The following FSTL5 variants were observed in gnomAD, a reference collection of about 807,000 sequenced individuals.
FSTL5 encodes the protein follistatin-related protein 5.
FSTL5 carries 62 observed loss-of-function variants against 89.1 expected under a neutral mutation model. That is an observed-to-expected ratio of 0.70 (90% CI 0.57 to 0.86). The LOEUF (loss-of-function observed/expected upper bound fraction) is 0.86, where lower values mean the gene tolerates loss of function less well. Among genes scored for constraint, FSTL5 ranks in the 40% least tolerant of loss-of-function variants. The pLI, the probability that FSTL5 is intolerant of heterozygous loss-of-function variation, is 0.00. For synonymous variants in FSTL5, 383 were observed against 346.2 expected (o/e 1.11, Z -1.18); for missense variants, 1,057 against 1,001.6 (o/e 1.06, Z -0.75).
intron 7 of FSTL5, among the ~76,000 whole-genome samples, chr4:161,630,612 C>A (rs1018243569): frequency 1.4e-4 from 22 of 152,156 alleles, no homozygotes; most frequent in African/African-American, 5.3e-4. Flanking sequence ...GGCTATATCA[C>A]TAACTTTAAA....
chr4:161,764,736 AT>A (rs1740931780), intron 5 of FSTL5, among the ~76,000 whole-genome samples: 1 of 152,148 alleles, frequency 6.6e-6, no homozygotes, highest in Non-Finnish European at 1.5e-5. Context: ...AAAGTATTTT[AT>A]TTTTAAGGTA....
chr4:161,887,890 C>T (rs74773559), intron 4 of FSTL5, among the ~76,000 whole-genome samples: 4 of 152,134 alleles, frequency 2.6e-5, no homozygotes, highest in African/African-American at 4.8e-5. Flanking sequence ...CCTTGCCAAG[C>T]AAATCAGGAT....
chr4:161,858,786 C>T (rs898439612), intron 4 of FSTL5, among the ~76,000 whole-genome samples: 2 of 152,172 alleles, frequency 1.3e-5, no homozygotes, highest in Non-Finnish European at 2.9e-5. Flanking sequence ...CCTTGGCATT[C>T]CATGGAGCCT....
intron 7 of FSTL5, among the ~76,000 whole-genome samples, chr4:161,611,823 A>G (rs1425188759): frequency 6.6e-6 from 1 of 152,244 alleles, no homozygotes; most frequent in Non-Finnish European, 1.5e-5. Context: ...GGGAGGAGTC[A>G]GAAAGCAAAG....
intron 7 of FSTL5, among the ~76,000 whole-genome samples, chr4:161,617,824 G>C (rs997381438): frequency 5.9e-5 from 9 of 152,174 alleles, no homozygotes; most frequent in Non-Finnish European, 5.9e-5. Flanking sequence ...ATAAAGACAT[G>C]TTTAGATAAA....
intron 3 of FSTL5, among the ~76,000 whole-genome samples, chr4:161,998,329 C>A (rs1245872018): frequency 1.3e-5 from 2 of 152,076 alleles, no homozygotes; most frequent in African/African-American, 4.8e-5. Context: ...TGGGAACTAT[C>A]CCTTTGAAAT....
At chr4:161,655,485 C>A (rs536286378) in intron 7 of FSTL5, among the ~76,000 whole-genome samples, 42 of 152,164 alleles carry the variant, frequency 2.8e-4, no homozygotes, top group Admixed American at 1.2e-3. Context: ...GCCAGTCATA[C>A]AAATCTGTGA....
intron 3 of FSTL5, among the ~76,000 whole-genome samples, chr4:161,953,791 A>T (rs566349603): frequency 1.3e-5 from 2 of 151,762 alleles, no homozygotes; most frequent in East Asian, 3.9e-4. Flanking sequence ...TATCCCACGG[A>T]GAATTTTCTT....
At chr4:161,521,288 A>T (rs2126515764) in intron 10 of FSTL5, among the ~76,000 whole-genome samples, 1 of 152,278 alleles carries the variant, frequency 6.6e-6, no homozygotes, top group South Asian at 2.1e-4. Context: ...AGAGAGGAAA[A>T]TATTGAAATT....
At chr4:162,014,498 T>C (rs924623772) in intron 3 of FSTL5, among the ~76,000 whole-genome samples, 2 of 152,156 alleles carry the variant, frequency 1.3e-5, no homozygotes, top group African/African-American at 4.8e-5. Context: ...GATGATGTTA[T>C]AGTTAGTTGG....
intron 6 of FSTL5, among the ~76,000 whole-genome samples, chr4:161,757,762 G>A (rs1452730357): frequency 1.3e-5 from 2 of 151,998 alleles, no homozygotes; most frequent in Non-Finnish European, 2.9e-5. Context: ...GGGATTACAG[G>A]CGCCTGCCAC....
At chr4:161,831,182 T>C (rs2126861224) in intron 4 of FSTL5, among the ~76,000 whole-genome samples, 1 of 152,128 alleles carries the variant, frequency 6.6e-6, no homozygotes, top group South Asian at 2.1e-4. Flanking sequence ...AACCATTTTA[T>C]CATGTATATA....
chr4:161,809,010 A>T (rs1730058926), intron 4 of FSTL5, among the ~76,000 whole-genome samples: 1 of 152,188 alleles, frequency 6.6e-6, no homozygotes, highest in Admixed American at 6.5e-5. Context: ...CGAGGTCAGA[A>T]GATCGAGACC....
At chr4:161,550,480 C>A (rs929800295) in intron 8 of FSTL5, among the ~76,000 whole-genome samples, 1 of 151,154 alleles carries the variant, frequency 6.6e-6, no homozygotes, top group Non-Finnish European at 1.5e-5. Context: ...GTTATTGCAG[C>A]ATTTTATTTT....
chr4:162,036,415 A>G (rs940505625), intron 2 of FSTL5, among the ~76,000 whole-genome samples: 5 of 152,006 alleles, frequency 3.3e-5, no homozygotes, highest in Non-Finnish European at 5.9e-5. Context: ...CATTAGTATG[A>G]TTTTTAAACA....
At chr4:161,768,321 C>T (rs1027096319) in intron 5 of FSTL5, among the ~76,000 whole-genome samples, 1 of 151,986 alleles carries the variant, frequency 6.6e-6, no homozygotes, top group African/African-American at 2.4e-5. Context: ...CCTTGCCATT[C>T]GTTTTCAAGG....
intron 4 of FSTL5, among the ~76,000 whole-genome samples, chr4:161,881,240 C>T (rs1732621431): frequency 6.7e-6 from 1 of 149,574 alleles, no homozygotes; most frequent in South Asian, 2.1e-4. Flanking sequence ...TCTAGTTTAT[C>T]ATTTGATAAT....
chr4:162,059,376 G>T (rs1199498248), intron 2 of FSTL5, among the ~76,000 whole-genome samples: 1 of 152,146 alleles, frequency 6.6e-6, no homozygotes, highest in Non-Finnish European at 1.5e-5. Flanking sequence ...TATTGTAGCT[G>T]TGTTAAAGCA....
At chr4:161,489,305 C>G (rs1382004318) in intron 12 of FSTL5, among the ~76,000 whole-genome samples, 1 of 151,872 alleles carries the variant, frequency 6.6e-6, no homozygotes, top group African/African-American at 2.4e-5. Flanking sequence ...GAGGCAGGCA[C>G]TTAATGTCTG....
Sources: gnomAD v4.1 joint callset for allele counts (sites outside exome capture counted in the v4.1 genomes callset) on GRCh38, gnomAD v4.1.1 for gene constraint, MANE v1.5 for transcripts, NCBI Gene and HGNC (gene_info 2026-07-23, HGNC 2026-07-21) for gene names.